Variants in APBA2 observed in about 807,000 individuals in gnomAD.
The protein encoded by APBA2 is amyloid beta precursor protein binding family A member 2, also known as amyloid-beta A4 precursor protein-binding family A member 2.
APBA2 carries 30 observed loss-of-function variants against 75.0 expected under a neutral mutation model. The ratio of observed to expected loss-of-function variants is 0.40; its 90% CI spans 0.30 to 0.54. The LOEUF (loss-of-function observed/expected upper bound fraction) is 0.54, where lower values mean the gene tolerates loss of function less well. Among genes scored for constraint, APBA2 ranks in the 20% least tolerant of loss-of-function variants. The probability of loss-of-function intolerance (pLI) is 0.49; values close to 1 mark genes in which losing one functional copy is unlikely to be tolerated. For missense variants in APBA2, 801 were observed against 1,016.1 expected, an observed-to-expected ratio of 0.79 and a Z score of 2.88; for synonymous variants, 444 against 409.6, an observed-to-expected ratio of 1.08 and a Z score of -1.01.
At chr15:29,108,740 A>G in intron 13 of APBA2, 1 of 433,428 alleles carries the variant, frequency 2.3e-6, no homozygotes, top group South Asian at 2.4e-5. Context: ...GTGCTCAACA[A>G]ACAGACGTTC....
intron 3 of APBA2, among the ~76,000 whole-genome samples, chr15:29,008,059 A>G (rs1052581735): frequency 2.0e-5 from 3 of 152,216 alleles, no homozygotes; most frequent in African/African-American, 7.2e-5. Context: ...AAAAGGAAGG[A>G]AATTCTGACA....
At chr15:29,004,023 ATGTGTGGGGTGGCAGCATTGTCACT>A (rs1039353643) in intron 3 of APBA2, among the ~76,000 whole-genome samples, 1 of 152,178 alleles carries the variant, frequency 6.6e-6, no homozygotes, top group Admixed American at 6.5e-5. Flanking sequence ...GGTGCTGCAG[ATGTGTGGGGTGGCAGCATTGTCACT>A]TCCTGTCTCC....
rs139013413 is a variant in APBA2 at position 28,956,071 on chromosome 15, C to T, written c.-95+34322C>T. 8.9e-3 allele frequency among the ~76,000 whole-genome samples: 1,360 copies of T among 152,256 alleles called. 23 individuals are homozygous for T. Among genetic ancestry groups the T allele is most frequent in the Non-Finnish European group, 9.1e-3 (616 of 68,020 alleles). On this transcript the variant is annotated intron_variant, in intron 2 of 14. Transcript: ENST00000683413. The stretch of plus-strand genomic sequence containing the variant: ...CGGTCCAGCTCTGGCCTGAGGACTC[C>T]GGTCTGTGGTTTCTAGTTTTTATCA...
intron 3 of APBA2, among the ~76,000 whole-genome samples, chr15:29,027,733 C>G (rs1225234909): frequency 1.3e-5 from 2 of 152,000 alleles, no homozygotes; most frequent in Non-Finnish European, 2.9e-5. Context: ...CACCGAGTAG[C>G]TGGGACTACA....
intron 1 of APBA2, among the ~76,000 whole-genome samples, chr15:28,902,384 A>G (rs1411154757): frequency 6.6e-6 from 1 of 152,156 alleles, no homozygotes; most frequent in Non-Finnish European, 1.5e-5. Flanking sequence ...AATGCTCTTC[A>G]AAATATCAAG....
intron 3 of APBA2, among the ~76,000 whole-genome samples, chr15:29,048,705 G>A (rs2041458389): frequency 6.6e-6 from 1 of 151,982 alleles, no homozygotes; most frequent in Non-Finnish European, 1.5e-5. Flanking sequence ...GGAGGCTGAG[G>A]CAGGTGAATC....
chr15:29,026,355 A>G (rs1271335419), intron 3 of APBA2, among the ~76,000 whole-genome samples: 2 of 152,216 alleles, frequency 1.3e-5, no homozygotes, highest in Non-Finnish European at 2.9e-5. Context: ...AGCTGGTGAC[A>G]GCTTGAGTCT....
chr15:28,936,400 G>A (rs1323693216), intron 2 of APBA2, among the ~76,000 whole-genome samples: 1 of 152,222 alleles, frequency 6.6e-6, no homozygotes, highest in Non-Finnish European at 1.5e-5. Flanking sequence ...GCCAGGAGCA[G>A]AGCACCCAGG....
intron 2 of APBA2, among the ~76,000 whole-genome samples, chr15:28,986,528 T>C (rs2152775974): frequency 6.6e-6 from 1 of 152,320 alleles, no homozygotes; most frequent in South Asian, 2.1e-4. Flanking sequence ...TTTGAGAGTT[T>C]CCCTCTGTTG....
At chr15:29,102,235 A>G (rs1345432940) in intron 10 of APBA2, 3 of 249,512 alleles carry the variant, frequency 1.2e-5, no homozygotes, top group East Asian at 2.2e-4. Context: ...AGTATAAGAT[A>G]CCAAAGACTC....
intron 3 of APBA2, among the ~76,000 whole-genome samples, chr15:29,002,368 C>A (rs1372803676): frequency 6.6e-6 from 1 of 152,196 alleles, no homozygotes; most frequent in Admixed American, 6.5e-5. Context: ...CAGTCTAGGG[C>A]TGCTGTGAAC....
chr15:29,102,132 C>T, intron 10 of APBA2: 1 of 415,666 alleles, frequency 2.4e-6, no homozygotes, highest in Non-Finnish European at 4.5e-6. Context: ...TTTCGCATGG[C>T]CCTGGCATGC....
chr15:28,926,504 A>G (rs2034268257), intron 2 of APBA2, among the ~76,000 whole-genome samples: 2 of 152,204 alleles, frequency 1.3e-5, no homozygotes, highest in Non-Finnish European at 2.9e-5. Flanking sequence ...TCCATATGTC[A>G]TAATCATACA....
intron 10 of APBA2, 70 bp from the exon 11 acceptor site, chr15:29,105,308 GC>G: frequency 6.7e-7 from 1 of 1,502,852 alleles, no homozygotes; most frequent in African/African-American, 1.4e-5. Flanking sequence ...CCCTGCCGCA[GC>G]CCCCTGCTGA....
At chr15:29,076,735 C>G (rs1377236864) in intron 6 of APBA2, among the ~76,000 whole-genome samples, 3 of 152,138 alleles carry the variant, frequency 2.0e-5, no homozygotes, top group Non-Finnish European at 4.4e-5. Context: ...TTTCCTGCCC[C>G]TGCTAATGTG....
intron 3 of APBA2, among the ~76,000 whole-genome samples, chr15:29,045,518 G>A (rs908572194): frequency 6.6e-6 from 1 of 152,052 alleles, no homozygotes; most frequent in African/African-American, 2.4e-5. Context: ...GAATTTTGGG[G>A]GCGATGCAAA....
At chr15:28,965,211 G>A (rs2036678307) in intron 2 of APBA2, among the ~76,000 whole-genome samples, 1 of 151,864 alleles carries the variant, frequency 6.6e-6, no homozygotes, top group African/African-American at 2.4e-5. Flanking sequence ...ATACTCCAGC[G>A]CCATTAATTG....
chr15:28,997,349 C>T (rs1431335545), intron 3 of APBA2, among the ~76,000 whole-genome samples: 7 of 152,148 alleles, frequency 4.6e-5, no homozygotes, highest in African/African-American at 1.7e-4. Flanking sequence ...TCTCAGTTGT[C>T]AGTTTTCAAA....
intron 3 of APBA2, among the ~76,000 whole-genome samples, chr15:29,050,260 C>G (rs1012324787): frequency 1.7e-4 from 26 of 152,124 alleles, no homozygotes; most frequent in African/African-American, 6.0e-4. Flanking sequence ...GGATGCAATA[C>G]AATAATCTTA....
Sources: gnomAD v4.1 joint callset for allele counts (sites outside exome capture counted in the v4.1 genomes callset) on GRCh38, gnomAD v4.1.1 for gene constraint, MANE v1.5 for transcripts, NCBI Gene and HGNC (gene_info 2026-07-23, HGNC 2026-07-21) for gene names.